PCDHA5: variants seen among roughly 807,000 people sequenced by gnomAD.
The protein encoded by PCDHA5 is protocadherin alpha-5.
In PCDHA5, 43 loss-of-function variants were observed where a neutral mutation model predicts 61.6. The observed-to-expected ratio is 0.70, with a 90% CI of 0.55 to 0.90. The LOEUF (loss-of-function observed/expected upper bound fraction) is 0.90. PCDHA5 is among the 40% of genes least tolerant of loss of function. The pLI, the probability that PCDHA5 is intolerant of heterozygous loss-of-function variation, is 0.00. For missense variants in PCDHA5, 1,298 were observed against 1,222.7 expected (o/e 1.06, Z -0.92); for synonymous variants, 627 against 543.9 (o/e 1.15, Z -2.13).
At chr5:140,863,497 C>A in intron 1 of PCDHA5, 1 of 434,948 alleles carries the variant, frequency 2.3e-6, no homozygotes, top group South Asian at 1.8e-5. Context: ...AACATTACGG[C>A]TTTTAGTCCT....
intron 1 of PCDHA5, chr5:140,858,397 CG>C (rs1314612729): frequency 2.5e-6 from 4 of 1,573,068 alleles, no homozygotes; most frequent in African/African-American, 2.7e-5. Context: ...TAGATGTGGA[CG>C]GGGAAGATCA....
chr5:140,958,873 A>G (rs1554223676), intron 1 of PCDHA5, among the ~76,000 whole-genome samples: 1 of 152,100 alleles, frequency 6.6e-6, no homozygotes, highest in East Asian at 1.9e-4. Context: ...TTTATAAAAG[A>G]ATTGACCAGT....
At chr5:140,968,965 C>T in intron 1 of PCDHA5, 1 of 1,614,208 alleles carries the variant, frequency 6.2e-7, no homozygotes, top group Non-Finnish European at 8.5e-7. Context: ...AGTGCTACCG[C>T]TACACTGCGT....
intron 1 of PCDHA5, chr5:140,849,973 C>A: frequency 6.3e-7 from 1 of 1,597,728 alleles, no homozygotes; most frequent in Non-Finnish European, 8.6e-7. Flanking sequence ...GTGTCCTACT[C>A]GCTGGTGGAG....
chr5:140,898,999 A>G (rs2067088188), intron 1 of PCDHA5, among the ~76,000 whole-genome samples: 2 of 151,690 alleles, frequency 1.3e-5, no homozygotes, highest in African/African-American at 4.8e-5. Context: ...TTTGTCTGTT[A>G]TTGGTGTATA....
chr5:140,871,179 G>C (rs374404426), intron 1 of PCDHA5: 44 of 1,613,428 alleles, frequency 2.7e-5, no homozygotes, highest in Non-Finnish European at 3.5e-5. Context: ...AGGCTGCGCT[G>C]GTGGATGTCA....
At chr5:140,928,397 C>T in intron 1 of PCDHA5, 1 of 1,614,082 alleles carries the variant, frequency 6.2e-7, no homozygotes, top group East Asian at 2.2e-5. Context: ...GCAGTGGAAT[C>T]ATCCAGTGGG....
At chr5:141,008,751 AG>A (rs1234240078) in intron 3 of PCDHA5, among the ~76,000 whole-genome samples, 11 of 152,244 alleles carry the variant, frequency 7.2e-5, no homozygotes, top group African/African-American at 2.2e-4. Context: ...CACTGAGGGA[AG>A]GAATTTGGCT....
intron 3 of PCDHA5, among the ~76,000 whole-genome samples, chr5:140,988,287 C>A (rs2097291303): frequency 6.6e-6 from 1 of 152,240 alleles, no homozygotes; most frequent in Non-Finnish European, 1.5e-5. Context: ...TGCCATCTGA[C>A]AGCCCAGGAG....
intron 1 of PCDHA5, among the ~76,000 whole-genome samples, chr5:140,977,625 T>A (rs2096768746): frequency 6.6e-6 from 1 of 152,144 alleles, no homozygotes; most frequent in Non-Finnish European, 1.5e-5. Flanking sequence ...ATCCCAGAGT[T>A]GTAACTTTTT....
At position 140,977,800 on chromosome 5, in the gene PCDHA5, T is replaced by G. The variant is rs572772764; in HGVS notation, c.2353-1149T>G. On this transcript the variant is annotated intron_variant, in intron 1 of 3. Coordinates refer to ENST00000529859, the MANE Select transcript of PCDHA5 (RefSeq NM_018908.3). Reference sequence around the variant, plus strand: ...AAAGGAACTATATGAATGATAGGAATAAGAATTATTGACAGTTTTGAATGG... The same window carrying G: ...AAAGGAACTATATGAATGATAGGAAGAAGAATTATTGACAGTTTTGAATGG... Among the ~76,000 whole-genome samples, 3 of 152,356 alleles carry G rather than the reference T, an allele frequency of 2.0e-5. No individual in the cohort carries two copies. In the East Asian group the frequency reaches 5.8e-4, roughly 29 times the overall value.
At chr5:140,920,323 T>C (rs1448405138) in intron 1 of PCDHA5, among the ~76,000 whole-genome samples, 3 of 152,212 alleles carry the variant, frequency 2.0e-5, no homozygotes, top group Non-Finnish European at 4.4e-5. Context: ...AAATTATATA[T>C]TTATGGCATT....
At chr5:140,949,826 T>G (rs954476311) in intron 1 of PCDHA5, among the ~76,000 whole-genome samples, 2 of 151,922 alleles carry the variant, frequency 1.3e-5, no homozygotes, top group Non-Finnish European at 2.9e-5. Flanking sequence ...ATTTGTCCCC[T>G]CTGATTTTGT....
At chr5:141,002,342 C>A (rs1047277199) in intron 3 of PCDHA5, among the ~76,000 whole-genome samples, 3 of 152,070 alleles carry the variant, frequency 2.0e-5, no homozygotes, top group African/African-American at 4.8e-5. Flanking sequence ...CGCACCCCTT[C>A]CCCCACCTCC....
intron 1 of PCDHA5, chr5:140,927,256 CCT>C (rs2084020732): frequency 1.2e-6 from 2 of 1,614,144 alleles, no homozygotes; most frequent in Non-Finnish European, 1.7e-6. Flanking sequence ...TGACAACTCA[CCT>C]CTCTTTCCTG....
chr5:140,936,981 T>C (rs2153630854), intron 1 of PCDHA5, among the ~76,000 whole-genome samples: 1 of 152,330 alleles, frequency 6.6e-6, no homozygotes, highest in South Asian at 2.1e-4. Flanking sequence ...ATGAAGCTTG[T>C]TAACATTGAC....
intron 1 of PCDHA5, among the ~76,000 whole-genome samples, chr5:140,936,916 A>C (rs782442769): frequency 3.0e-4 from 46 of 152,222 alleles, no homozygotes; most frequent in Non-Finnish European, 6.6e-4. Context: ...ATCTGTAGAA[A>C]ATATGGGGTA....
chr5:140,924,105 C>T lies in PCDHA5; in HGVS notation c.2353-54844C>T, dbSNP rs140580566. ...AGGCAGAAAGAATAAATTTTCATTC[C>T]AAAGCAGTTAGCTTGCTTAGCAGCA... is the stretch of plus-strand genomic sequence containing the variant. On this transcript the variant is annotated intron_variant, in intron 1 of 3. Coordinates refer to ENST00000529859, the MANE Select transcript of PCDHA5 (RefSeq NM_018908.3). Among the ~76,000 whole-genome samples the T allele has an allele frequency of 8.5e-5, 13 of 152,262 alleles. No homozygotes were observed. The East Asian group carries it at 2.5e-3, about 29-fold the overall frequency.
chr5:140,937,511 G>A (rs569896730), intron 1 of PCDHA5, among the ~76,000 whole-genome samples: 2 of 152,166 alleles, frequency 1.3e-5, no homozygotes, highest in Non-Finnish European at 2.9e-5. Context: ...CAGCTACTCA[G>A]GAGGCTGAGG....
Sources: gnomAD v4.1 joint callset for allele counts (sites outside exome capture counted in the v4.1 genomes callset) on GRCh38, gnomAD v4.1.1 for gene constraint, MANE v1.5 for transcripts, NCBI Gene and HGNC (gene_info 2026-07-23, HGNC 2026-07-21) for gene names.